Variants in MTMR9 observed in about 807,000 individuals in gnomAD.
The protein encoded by MTMR9 is myotubularin related protein 9.
In MTMR9, 39 loss-of-function variants were observed where a neutral mutation model predicts 69.5. That is an observed-to-expected ratio of 0.56 (90% CI 0.43 to 0.73). The LOEUF is 0.73. Ranked by LOEUF, MTMR9 falls within the 30% of genes least tolerant of loss-of-function variation. The probability of loss-of-function intolerance (pLI) is 0.00; values close to 1 mark genes in which losing one functional copy is unlikely to be tolerated. For synonymous variants in MTMR9, 354 were observed against 240.8 expected (o/e 1.47, Z -4.35); for missense variants, 900 against 671.2 (o/e 1.34, Z -3.77).
chr8:11,292,146 C>T (rs1438849502), intron 1 of MTMR9, among the ~76,000 whole-genome samples: 1 of 152,016 alleles, frequency 6.6e-6, no homozygotes, highest in Non-Finnish European at 1.5e-5. Context: ...GAGATTTGTC[C>T]ATGTTGTATA....
intron 6 of MTMR9, among the ~76,000 whole-genome samples, chr8:11,310,383 A>AT (rs1800149838): frequency 6.6e-6 from 1 of 152,226 alleles, no homozygotes; most frequent in African/African-American, 2.4e-5. Context: ...AGATATAAGT[A>AT]TTATCACCAC....
intron 1 of MTMR9, among the ~76,000 whole-genome samples, chr8:11,287,852 T>TA (rs1236444623): frequency 2.5e-5 from 3 of 118,924 alleles, no homozygotes; most frequent in South Asian, 2.2e-4. Context: ...TTTTATTATA[T>TA]ATGTTATATA....
chr8:11,331,170 C>G (rs150947290), downstream of MTMR9: 146 of 1,613,206 alleles, frequency 9.1e-5, 1 homozygote, highest in African/African-American at 1.3e-3. Context: ...GCCCTCCGCT[C>G]CACCCAGCCT....
chr8:11,330,877 A>G, downstream of MTMR9: 1 of 882,278 alleles, frequency 1.1e-6, no homozygotes, highest in Non-Finnish European at 1.6e-6. Flanking sequence ...GACCCTGCCA[A>G]ATCCCCCTCT....
intron 2 of MTMR9, chr8:11,299,015 T>C (rs759547177): frequency 1.5e-5 from 7 of 478,168 alleles, no homozygotes; most frequent in Non-Finnish European, 1.9e-5. Flanking sequence ...ATGGAATTTC[T>C]ACCTATGTAG....
At chr8:11,311,727 G>A (rs540093151) in intron 6 of MTMR9, among the ~76,000 whole-genome samples, 170 of 152,238 alleles carry the variant, frequency 1.1e-3, no homozygotes, top group Non-Finnish European at 1.7e-3. Flanking sequence ...GAAGATTGCC[G>A]CATCAATTGA....
intron 3 of MTMR9, chr8:11,300,874 T>C (rs1799725666): frequency 6.6e-6 from 1 of 152,224 alleles, no homozygotes; most frequent in Non-Finnish European, 1.5e-5. Flanking sequence ...AAGACAATAT[T>C]GTTCAGGTTA....
intron 9 of MTMR9, chr8:11,321,217 A>G: frequency 3.0e-6 from 1 of 333,396 alleles, no homozygotes; most frequent in Non-Finnish European, 6.0e-6. Context: ...GATGGTCTTG[A>G]GGTTCTGGGT....
the MTMR9 span, among the ~76,000 whole-genome samples, chr8:11,334,324 T>G: frequency 2.0e-5 from 3 of 152,190 alleles, no homozygotes; most frequent in African/African-American, 7.2e-5. Flanking sequence ...GGCATAAAAA[T>G]AAATGTTATT....
chr8:11,315,208 G>C (rs1039522420), intron 7 of MTMR9, 144 bp downstream of exon 7: 5 of 998,412 alleles, frequency 5.0e-6, no homozygotes, highest in Non-Finnish European at 6.0e-6. Context: ...CAGTTAATCT[G>C]TCTTCTCCTT....
the MTMR9 span, among the ~76,000 whole-genome samples, chr8:11,333,545 C>T: frequency 6.6e-5 from 10 of 152,026 alleles, no homozygotes; most frequent in East Asian, 1.7e-3. Flanking sequence ...TAGACAGTAA[C>T]TTGAACCCAT....
At chr8:11,319,938 C>T (rs2293856) in intron 9 of MTMR9, 100 bp downstream of exon 9, 512,600 of 1,262,168 alleles carry the variant, frequency 0.41, 108,466 homozygotes, top group East Asian at 0.71. Flanking sequence ...GTGAGCTGGA[C>T]GTGGCCCTCA....
chr8:11,326,953 G>C lies in MTMR9; in HGVS notation c.*4165G>C, dbSNP rs1165361981. 7.3e-6 allele frequency: 1 copy of C among 137,186 alleles called. No individual in the cohort carries two copies. The highest frequency in any genetic ancestry group is 2.7e-5 in the African/African-American group (1 of 37,112). 8.5% of individuals were successfully genotyped at this position (137,186 alleles called of 1,614,324 possible). On this transcript the variant is annotated 3_prime_UTR_variant, in exon 10 of 10. Transcript: ENST00000221086. ...CCACTGCACTCCAGCCTGGGCGAAA[G>C]GGCAAGACTCCATCTCAAAAAAAAA...
downstream of MTMR9, among the ~76,000 whole-genome samples, chr8:11,328,646 C>G (rs1801055489): frequency 6.6e-6 from 1 of 152,154 alleles, no homozygotes; most frequent in African/African-American, 2.4e-5. Flanking sequence ...TAGGCAATGC[C>G]TAACAGTGAA....
intron 1 of MTMR9, among the ~76,000 whole-genome samples, chr8:11,291,143 A>G (rs989853187): frequency 3.3e-5 from 5 of 151,952 alleles, no homozygotes; most frequent in South Asian, 2.1e-4. Flanking sequence ...ACTTTATACA[A>G]TTTTCATAGG....
rs571932902 is a variant in MTMR9 at position 11,289,775 on chromosome 8, C to T, written c.182+4705C>T. ...CTTGTTCTGCTTCTTAATATGGTGA[C>T]ACAATACTGTTTCAAGATCTCTTCA... On this transcript the variant is annotated intron_variant, in intron 1 of 9. Transcript: ENST00000221086. Among the ~76,000 whole-genome samples the T allele has an allele frequency of 2.6e-5, 4 of 152,016 alleles. No individual in the cohort carries two copies. The South Asian group carries it at 8.3e-4, about 32-fold the overall frequency.
chr8:11,303,038 C>G (rs1293358351), intron 3 of MTMR9, among the ~76,000 whole-genome samples: 8 of 150,998 alleles, frequency 5.3e-5, no homozygotes. Flanking sequence ...TAAGTCATTC[C>G]CTCCGATTTA....
intron 3 of MTMR9, among the ~76,000 whole-genome samples, chr8:11,303,216 A>G (rs1400714552): frequency 2.0e-5 from 3 of 149,268 alleles, no homozygotes; most frequent in African/African-American, 5.0e-5. Context: ...TTTAAAAGCT[A>G]TAGGAGTTAC....
At chr8:11,329,013 C>T (rs966583616), downstream of MTMR9, among the ~76,000 whole-genome samples, 1 of 152,138 alleles carries the variant, frequency 6.6e-6, no homozygotes, top group Non-Finnish European at 1.5e-5. Flanking sequence ...TTCAGTTTTT[C>T]CCAACACTTT....
Sources: gnomAD v4.1 joint callset for allele counts (sites outside exome capture counted in the v4.1 genomes callset) on GRCh38, gnomAD v4.1.1 for gene constraint, MANE v1.5 for transcripts, NCBI Gene and HGNC (gene_info 2026-07-23, HGNC 2026-07-21) for gene names.